Variants in PCDHGA3 observed in about 807,000 individuals in gnomAD.
PCDHGA3 encodes protocadherin gamma-A3.
A neutral mutation model predicts 58.5 loss-of-function variants in PCDHGA3; 40 were observed. That is an observed-to-expected ratio of 0.68 (90% confidence interval 0.53 to 0.89). The LOEUF (loss-of-function observed/expected upper bound fraction) is 0.89. Among genes scored for constraint, PCDHGA3 ranks in the 40% least tolerant of loss-of-function variants. The probability of loss-of-function intolerance (pLI) is 0.00; values close to 1 mark genes in which losing one functional copy is unlikely to be tolerated. For synonymous variants in PCDHGA3, 530 were observed against 525.7 expected (o/e 1.01, Z -0.11); for missense variants, 1,223 against 1,195.9 (o/e 1.02, Z -0.33).
intron 1 of PCDHGA3, among the ~76,000 whole-genome samples, chr5:141,488,423 T>C (rs1204233986): frequency 2.0e-5 from 3 of 152,354 alleles, no homozygotes; most frequent in Non-Finnish European, 4.4e-5. Context: ...CCATCCATGC[T>C]TGGCCTCTGA....
At chr5:141,405,457 T>TC in intron 1 of PCDHGA3, 3 of 1,256,668 alleles carry the variant, frequency 2.4e-6, no homozygotes, top group South Asian at 1.4e-5. Context: ...TCTTACTCTG[T>TC]TACCCAGGCT....
chr5:141,418,649 G>A (rs760169796), intron 1 of PCDHGA3: 3 of 1,613,926 alleles, frequency 1.9e-6, no homozygotes, highest in Non-Finnish European at 2.5e-6. Flanking sequence ...CATCCTGAGA[G>A]TGAAGGCCAC....
At chr5:141,426,153 T>C (rs928934950) in intron 1 of PCDHGA3, 12 of 154,130 alleles carry the variant, frequency 7.8e-5, no homozygotes, top group African/African-American at 2.6e-4. Flanking sequence ...CTCCTGCAAA[T>C]CTGATTCCAT....
At chr5:141,359,184 A>G (rs984361928) in intron 1 of PCDHGA3, among the ~76,000 whole-genome samples, 1 of 152,202 alleles carries the variant, frequency 6.6e-6, no homozygotes, top group Non-Finnish European at 1.5e-5. Flanking sequence ...AGCAGAAAGC[A>G]GAAATAACAA....
At chr5:141,349,031 G>A (rs1207539778) in intron 1 of PCDHGA3, among the ~76,000 whole-genome samples, 2 of 152,054 alleles carry the variant, frequency 1.3e-5, no homozygotes, top group Non-Finnish European at 1.5e-5. Context: ...AACTCGTTTT[G>A]CTCATTAATG....
chr5:141,404,725 G>T, intron 1 of PCDHGA3: 1 of 1,614,098 alleles, frequency 6.2e-7, no homozygotes. Flanking sequence ...TGACCAAGGT[G>T]GTGGCAGTGG....
intron 1 of PCDHGA3, chr5:141,399,986 G>A (rs1400468651): frequency 6.2e-7 from 1 of 1,612,408 alleles, no homozygotes; most frequent in East Asian, 2.2e-5. Context: ...CTGCGCACAG[G>A]AGAGGTGCGC....
At chr5:141,492,703 G>A (rs2099743198) in intron 1 of PCDHGA3, among the ~76,000 whole-genome samples, 1 of 152,246 alleles carries the variant, frequency 6.6e-6, no homozygotes, top group Non-Finnish European at 1.5e-5. Flanking sequence ...CAACCCAGAA[G>A]CCTCGAGCAG....
intron 1 of PCDHGA3, among the ~76,000 whole-genome samples, chr5:141,467,397 TAGAA>T (rs1326936900): frequency 6.6e-6 from 1 of 152,106 alleles, no homozygotes; most frequent in Non-Finnish European, 1.5e-5. Flanking sequence ...AAGTCATAGT[TAGAA>T]AGCCTTTCCC....
At chr5:141,399,483 CTACT>C in intron 1 of PCDHGA3, 2 of 1,614,048 alleles carry the variant, frequency 1.2e-6, no homozygotes, top group Non-Finnish European at 8.5e-7. Context: ...ACCAGGCGTC[CTACT>C]TAGTCAGTGT....
chr5:141,352,060 G>C (rs1758905366), intron 1 of PCDHGA3: 3 of 1,605,742 alleles, frequency 1.9e-6, no homozygotes, highest in Non-Finnish European at 2.5e-6. Flanking sequence ...ACGCTTGGCT[G>C]TCCTACCACG....
chr5:141,422,344 C>G, intron 1 of PCDHGA3: 1 of 1,550,890 alleles, frequency 6.4e-7, no homozygotes, highest in Non-Finnish European at 8.7e-7. Flanking sequence ...TCTAAATGTG[C>G]AAGATCAAGA....
chr5:141,404,183 G>T lies in PCDHGA3; in HGVS notation c.2424+57726G>T, dbSNP rs759576056. ...CAGATTGTTGACGGCCCAAATTCTT[G>T]ACCGAGAAAAAGCCTCAGAATATAA... On this transcript the variant is annotated intron_variant, in intron 1 of 3. Coordinates refer to ENST00000253812, the MANE Select transcript of PCDHGA3 (RefSeq NM_018916.4). 2.5e-6 allele frequency: 4 copies of T among 1,613,154 alleles called. No individual in the cohort carries two copies. In the South Asian group the frequency reaches 4.4e-5, roughly 18 times the overall value.
chr5:141,376,027 C>A (rs750383085), intron 1 of PCDHGA3: 30 of 1,613,250 alleles, frequency 1.9e-5, no homozygotes, highest in Non-Finnish European at 2.5e-5. Context: ...CCGTCCAGGA[C>A]CACGGCCAGC....
Position 141,477,395 on chromosome 5 carries a change from A to G in PCDHGA3, c.2425-17412A>G. The G allele has an allele frequency of 1.9e-6, 3 of 1,614,126 alleles. No individual in the cohort carries two copies. The highest frequency in any genetic ancestry group is 1.3e-5 in the African/African-American group (1 of 75,020). ...GACTGTGCCAGAATACAACCTCAGC[A>G]TCACCGCCCGAGACGCCGGAACCCC... On this transcript the variant is annotated intron_variant, in intron 1 of 3. Transcript: ENST00000253812. The surrounding 1 kb of genome is among the most constrained non-coding windows in gnomAD (Gnocchi z 4.9).
In PCDHGA3 at chr5:141,486,143, G is replaced by T; in HGVS notation, c.2425-8664G>T. On this transcript the variant is annotated intron_variant, in intron 1 of 3. Coordinates refer to ENST00000253812, the MANE Select transcript of PCDHGA3 (RefSeq NM_018916.4). This position sits in a 1 kb window ranked among gnomAD's most constrained non-coding sequence, Gnocchi z 5.0. ...CTATGAATTTGATGTGCGGGCTCGC[G>T]ATGGGGGTTCTCCAGCCATGGAGCA... 6.2e-7 allele frequency: 1 copy of T among 1,614,198 alleles called. No homozygotes were observed. Among genetic ancestry groups the T allele is most frequent in the Non-Finnish European group, 8.5e-7 (1 of 1,180,030 alleles).
At chr5:141,392,751 A>T in intron 1 of PCDHGA3, 1 of 1,453,336 alleles carries the variant, frequency 6.9e-7, no homozygotes, top group South Asian at 1.5e-5. Flanking sequence ...CTGCGGCAAG[A>T]AACTAAATAA....
chr5:141,458,409 G>A (rs188300064), intron 1 of PCDHGA3, among the ~76,000 whole-genome samples: 2 of 152,126 alleles, frequency 1.3e-5, no homozygotes, highest in East Asian at 1.9e-4. Context: ...GAGACGGAGC[G>A]GGGGTTCCAA....
At position 141,422,108 on chromosome 5, in the gene PCDHGA3, A is replaced by G. The variant is rs766617894; in HGVS notation, c.2425-72699A>G. 4.4e-6 allele frequency: 7 copies of G among 1,606,984 alleles called. No homozygotes were observed. In the East Asian group the frequency reaches 1.6e-4, roughly 36 times the overall value. ...GAAAGCAAGGCTTCTGAAATATTCCAATTGGATTCACAAACTGGAGAAGTT... is the reference window on the plus strand; with the variant it reads ...GAAAGCAAGGCTTCTGAAATATTCCGATTGGATTCACAAACTGGAGAAGTT... On this transcript the variant is annotated intron_variant, in intron 1 of 3. Transcript: ENST00000253812.
Sources: gnomAD v4.1 joint callset for allele counts (sites outside exome capture counted in the v4.1 genomes callset) on GRCh38, gnomAD v4.1.1 for gene constraint, Gnocchi (gnomAD v3.1) non-coding constraint, MANE v1.5 for transcripts, NCBI Gene and HGNC (gene_info 2026-07-23, HGNC 2026-07-21) for gene names.